The following KCNB2 variants were observed in gnomAD, a reference collection of about 807,000 sequenced individuals.
KCNB2 encodes the protein potassium voltage-gated channel subfamily B member 2.
KCNB2 carries 15 observed loss-of-function variants against 61.5 expected under a neutral mutation model. The observed-to-expected ratio is 0.24, with a 90% confidence interval of 0.16 to 0.38. The LOEUF (loss-of-function observed/expected upper bound fraction) is 0.38, where lower values mean the gene tolerates loss of function less well. KCNB2 is among the 10% of genes least tolerant of loss of function. The pLI, the probability that KCNB2 is intolerant of heterozygous loss-of-function variation, is 1.00. For synonymous variants in KCNB2, 457 were observed against 446.0 expected (o/e 1.02, Z -0.31); for missense variants, 828 against 1,125.2 (o/e 0.74, Z 3.78).
chr8:72,777,993 C>A (rs1808684308), intron 2 of KCNB2, among the ~76,000 whole-genome samples: 1 of 152,154 alleles, frequency 6.6e-6, no homozygotes, highest in Admixed American at 6.5e-5. Flanking sequence ...TTAAAGTCAG[C>A]CTTTCTTCCC....
At chr8:72,676,460 A>G (rs1215424512) in intron 2 of KCNB2, among the ~76,000 whole-genome samples, 1 of 151,202 alleles carries the variant, frequency 6.6e-6, no homozygotes, top group African/African-American at 2.4e-5. Context: ...GGTTCCTATA[A>G]TCTTGCTCTT....
intron 2 of KCNB2, among the ~76,000 whole-genome samples, chr8:72,723,008 C>T (rs1380132499): frequency 1.3e-5 from 2 of 152,136 alleles, no homozygotes; most frequent in Non-Finnish European, 2.9e-5. Flanking sequence ...GAAGAGCCAA[C>T]CTCCCTTCTT....
At chr8:72,648,457 T>C (rs1376262991) in intron 2 of KCNB2, among the ~76,000 whole-genome samples, 1 of 152,122 alleles carries the variant, frequency 6.6e-6, no homozygotes, top group Non-Finnish European at 1.5e-5. Context: ...TTTTTATTTT[T>C]AGTAGATACA....
At chr8:72,712,932 G>A (rs977777618) in intron 2 of KCNB2, among the ~76,000 whole-genome samples, 7 of 152,180 alleles carry the variant, frequency 4.6e-5, no homozygotes, top group Non-Finnish European at 8.8e-5. Context: ...GGTGACAGAC[G>A]GCACCTGGAA....
At chr8:72,852,563 T>A (rs1171028454) in intron 2 of KCNB2, among the ~76,000 whole-genome samples, 1 of 152,236 alleles carries the variant, frequency 6.6e-6, no homozygotes, top group Non-Finnish European at 1.5e-5. Flanking sequence ...TTATGTGAGA[T>A]GCAAAAGCCA....
At position 72,798,108 on chromosome 8, in the gene KCNB2, T is replaced by C. The variant is rs142268217; in HGVS notation, c.580-137827T>C. Among the ~76,000 whole-genome samples, 1,401 of 152,306 alleles carry C rather than the reference T, an allele frequency of 9.2e-3. 19 individuals carry two copies. The highest frequency in any genetic ancestry group is 0.03 in the African/African-American group (1,244 of 41,570). ...AAGGTTGGAAAACACATAGCAATTC[T>C]GCATTTGCCGTTGATGCTAAGCAGC... On this transcript the variant is annotated intron_variant, in intron 2 of 2. Transcript: ENST00000523207.
chr8:72,937,291 G>C lies in KCNB2; in HGVS notation c.1936G>C (p.Ala646Pro), dbSNP rs199723904. 2.5e-6 allele frequency: 4 copies of C among 1,613,822 alleles called. No homozygotes were observed. In the African/African-American group the frequency reaches 5.3e-5, roughly 22 times the overall value. The change falls in exon 3 of 3, where the codon GCT becomes CCT. Residue 646 changes from alanine to proline, a missense_variant. Physicochemically the swap from Ala to Pro is conservative, Grantham distance 27. This residue lies in a region of KCNB2 where 559 missense variants were observed against 588.4 expected (regional missense o/e 0.95). Coordinates refer to ENST00000523207, the MANE Select transcript of KCNB2 (RefSeq NM_004770.3). The part of the protein sequence containing the change: ...DLPGTEEHQR[A>P]RGPPFLTLSR... ...CCCAGGGACAGAAGAGCACCAAAGA[G>C]CTAGGGGCCCCCCGTTTCTAACTCT...
chr8:72,679,999 G>A (rs765928761), intron 2 of KCNB2, among the ~76,000 whole-genome samples: 11 of 152,270 alleles, frequency 7.2e-5, no homozygotes, highest in East Asian at 5.8e-4. Flanking sequence ...AGCTAAGATC[G>A]ATAATGCAAC....
intron 2 of KCNB2, among the ~76,000 whole-genome samples, chr8:72,872,429 C>T (rs911232731): frequency 6.6e-6 from 1 of 152,148 alleles, no homozygotes; most frequent in African/African-American, 2.4e-5. Flanking sequence ...TCTCCCTTCC[C>T]CATCACTTCT....
Position 72,793,478 on chromosome 8 carries a change from C to T in KCNB2, c.580-142457C>T, listed in dbSNP as rs556047118. Reference sequence around the variant, plus strand: ...ATGGGCTTAGTGTGCTAAAATACCACGAAGGAAAGCAAGAATCAGAGGAGA... The same window carrying T: ...ATGGGCTTAGTGTGCTAAAATACCATGAAGGAAAGCAAGAATCAGAGGAGA... On this transcript the variant is annotated intron_variant, in intron 2 of 2. Transcript: ENST00000523207. 6.6e-5 allele frequency among the ~76,000 whole-genome samples: 10 copies of T among 152,096 alleles called. 1 individual carries two copies. The South Asian group carries it at 1.0e-3, about 16-fold the overall frequency.
chr8:72,651,440 G>C (rs1430063605), intron 2 of KCNB2, among the ~76,000 whole-genome samples: 1 of 152,084 alleles, frequency 6.6e-6, no homozygotes, highest in African/African-American at 2.4e-5. Context: ...TTATGAATTT[G>C]AAGTACTTAC....
chr8:72,539,826 G>A (rs1806164971), intron 1 of KCNB2, among the ~76,000 whole-genome samples: 1 of 152,180 alleles, frequency 6.6e-6, no homozygotes, highest in South Asian at 2.1e-4. Flanking sequence ...AGAGGAGTTA[G>A]TAGAAATTAT....
intron 2 of KCNB2, among the ~76,000 whole-genome samples, chr8:72,814,089 G>A (rs1478183080): frequency 1.3e-5 from 2 of 151,846 alleles, no homozygotes; most frequent in Non-Finnish European, 2.9e-5. Context: ...TCCCTCCTAT[G>A]AGTGAGAACA....
intron 2 of KCNB2, among the ~76,000 whole-genome samples, chr8:72,706,856 A>G (rs1168915264): frequency 6.6e-6 from 1 of 152,164 alleles, no homozygotes; most frequent in Non-Finnish European, 1.5e-5. Context: ...GCTTTAACCT[A>G]CCCACAGTCC....
intron 2 of KCNB2, among the ~76,000 whole-genome samples, chr8:72,656,726 A>G (rs1466631313): frequency 6.6e-6 from 1 of 152,180 alleles, no homozygotes; most frequent in Non-Finnish European, 1.5e-5. Flanking sequence ...GAATAGATGC[A>G]GACTATCTTT....
chr8:72,650,607 T>G (rs1252172514), intron 2 of KCNB2, among the ~76,000 whole-genome samples: 1 of 152,160 alleles, frequency 6.6e-6, no homozygotes, highest in Non-Finnish European at 1.5e-5. Flanking sequence ...ACCTGTACTA[T>G]TCTCACTCTG....
At chr8:72,688,747 G>C (rs1806895060) in intron 2 of KCNB2, among the ~76,000 whole-genome samples, 1 of 151,962 alleles carries the variant, frequency 6.6e-6, no homozygotes, top group Non-Finnish European at 1.5e-5. Context: ...TTATTTTTTA[G>C]ACAAGGTCTC....
intron 2 of KCNB2, among the ~76,000 whole-genome samples, chr8:72,827,149 T>A (rs377016424): frequency 3.9e-5 from 6 of 152,274 alleles, no homozygotes; most frequent in African/African-American, 1.2e-4. Context: ...TTGACCTTCA[T>A]ATGATGGCTG....
chr8:72,932,703 CAA>C (rs939474660), intron 2 of KCNB2, among the ~76,000 whole-genome samples: 10 of 152,150 alleles, frequency 6.6e-5, no homozygotes, highest in African/African-American at 2.4e-4. Context: ...AGTGCTGAAA[CAA>C]TGGTTGTGGA....
Sources: gnomAD v4.1 joint callset for allele counts (sites outside exome capture counted in the v4.1 genomes callset) on GRCh38, gnomAD v4.1.1 for gene constraint, gnomAD v4.1.1 regional missense constraint, MANE v1.5 for transcripts, NCBI Gene and HGNC (gene_info 2026-07-23, HGNC 2026-07-21) for gene names.